TSNARE1: variants seen among roughly 807,000 people sequenced by gnomAD.
TSNARE1 encodes t-SNARE domain containing 1, also known as t-SNARE domain-containing protein 1.
In TSNARE1, 49 loss-of-function variants were observed where a neutral mutation model predicts 62.0. The observed-to-expected ratio is 0.79, with a 90% CI of 0.63 to 1.00. The LOEUF is 1.00. Ranked by LOEUF, TSNARE1 falls within the 50% of genes least tolerant of loss-of-function variation. The pLI is 0.00. For missense variants in TSNARE1, 755 were observed against 700.1 expected, an observed-to-expected ratio of 1.08 and a Z score of -0.88; for synonymous variants, 328 against 294.4, an observed-to-expected ratio of 1.11 and a Z score of -1.17.
intron 12 of TSNARE1, 149 bp from the exon 13 acceptor site, chr8:142,229,728 G>T: frequency 1.5e-6 from 1 of 666,920 alleles, no homozygotes; most frequent in Non-Finnish European, 2.7e-6. Flanking sequence ...GTCTTTCAAG[G>T]GGCTCTGTCC....
rs757276660 is a variant in TSNARE1 at position 142,330,930 on chromosome 8, C to T, written c.864G>A (p.Pro288=). Residue 288 remains proline (P), a synonymous_variant, in exon 6 of 14, where the codon CCG becomes CCA. Transcript: ENST00000524325. The part of the protein sequence containing the change: ...LERSLQSLGT[P]SDTQELRDSL... ...TGTCCCGAAGCTCCTGCGTGTCACTCGGTGTCCCTAAGGACTGAAGGCTCC... is the reference window on the plus strand; with the variant it reads ...TGTCCCGAAGCTCCTGCGTGTCACTTGGTGTCCCTAAGGACTGAAGGCTCC... The T allele has an allele frequency of 2.4e-5, 38 of 1,613,992 alleles. No individual in the cohort carries two copies. The East Asian group carries it at 3.8e-4, about 16-fold the overall frequency.
intron 1 of TSNARE1, among the ~76,000 whole-genome samples, chr8:142,368,597 C>T (rs1193443488): frequency 6.6e-6 from 1 of 152,098 alleles, no homozygotes; most frequent in Non-Finnish European, 1.5e-5. Flanking sequence ...CAGGGGCCAC[C>T]CAGGCAGACA....
At chr8:142,315,137 G>C in intron 7 of TSNARE1, 45 bp from the exon 8 acceptor site, 5 of 1,596,498 alleles carry the variant, frequency 3.1e-6, no homozygotes, top group Non-Finnish European at 4.3e-6. Flanking sequence ...GCTTGGCCCT[G>C]CCCCAGCAGC....
rs559885390 is a variant in TSNARE1, at chr8:142,310,131, T to C, written c.1131+4253A>G. 5.3e-5 allele frequency among the ~76,000 whole-genome samples: 8 copies of C among 152,260 alleles called. No homozygotes were observed. The East Asian group carries it at 1.3e-3, about 26-fold the overall frequency. On this transcript the variant is annotated intron_variant, in intron 9 of 13. Coordinates refer to ENST00000524325, the MANE Select transcript of TSNARE1 (RefSeq NM_145003.5). ...TCTATCTTGATTAATCTTGTAGGGGTTTAACAACCCTTTCAAAGAGCCAAT... is the reference window on the plus strand; with the variant it reads ...TCTATCTTGATTAATCTTGTAGGGGCTTAACAACCCTTTCAAAGAGCCAAT...
chr8:142,283,294 A>G (rs1822014092), intron 11 of TSNARE1, among the ~76,000 whole-genome samples: 1 of 151,152 alleles, frequency 6.6e-6, no homozygotes, highest in African/African-American at 2.4e-5. Flanking sequence ...GTGTCTGCCA[A>G]TGAGCAGAGG....
At chr8:142,259,443 C>T (rs1818747636) in intron 12 of TSNARE1, among the ~76,000 whole-genome samples, 1 of 152,198 alleles carries the variant, frequency 6.6e-6, no homozygotes. Flanking sequence ...CCCCATACCC[C>T]TACAGGCTGT....
At chr8:142,255,779 T>C (rs1007910113) in intron 12 of TSNARE1, among the ~76,000 whole-genome samples, 5 of 19,400 alleles carry the variant, frequency 2.6e-4, no homozygotes, top group Non-Finnish European at 4.9e-4. Flanking sequence ...ACCACCACCA[T>C]CACCACCATC....
At chr8:142,381,823 G>A (rs1279936595) in intron 1 of TSNARE1, among the ~76,000 whole-genome samples, 1 of 152,202 alleles carries the variant, frequency 6.6e-6, no homozygotes, top group Non-Finnish European at 1.5e-5. Flanking sequence ...TGGAGCAGAA[G>A]ACAAGCCCTG....
At chr8:142,273,335 T>G (rs949238480) in intron 12 of TSNARE1, 2 of 985,292 alleles carry the variant, frequency 2.0e-6, no homozygotes, top group Admixed American at 1.2e-4. Flanking sequence ...TTCTGCGTGG[T>G]GTGGCCCTGA....
intron 4 of TSNARE1, among the ~76,000 whole-genome samples, chr8:142,341,005 G>C (rs939575831): frequency 2.6e-5 from 4 of 152,226 alleles, no homozygotes; most frequent in African/African-American, 9.6e-5. Context: ...TCAAAGACGA[G>C]GTATGCAATT....
In TSNARE1 at chr8:142,268,203, T is replaced by C. The variant is rs114001204; in HGVS notation, c.1446+6578A>G. 5.9e-3 allele frequency among the ~76,000 whole-genome samples: 893 copies of C among 152,370 alleles called. 14 individuals are homozygous for C. Among genetic ancestry groups the C allele is most frequent in the African/African-American group, 0.02 (840 of 41,596 alleles). On this transcript the variant is annotated intron_variant, in intron 12 of 13. Transcript: ENST00000524325. ...TGGAGCTTCATGGACAGCCATCTGC[T>C]GTCCTGGCCATGCTCCTGCCTGGCC...
intron 12 of TSNARE1, chr8:142,273,334 G>T: frequency 1.0e-6 from 1 of 985,430 alleles, no homozygotes; most frequent in Non-Finnish European, 1.2e-6. Flanking sequence ...CTTCTGCGTG[G>T]TGTGGCCCTG....
At chr8:142,323,993 C>T (rs1295688778) in intron 6 of TSNARE1, among the ~76,000 whole-genome samples, 8 of 152,188 alleles carry the variant, frequency 5.3e-5, no homozygotes, top group African/African-American at 1.7e-4. Flanking sequence ...CCTCACCCGC[C>T]CTGGACTGCT....
At chr8:142,344,557 T>C in intron 3 of TSNARE1, 85 bp from the exon 4 acceptor site, 1 of 1,341,962 alleles carries the variant, frequency 7.5e-7, no homozygotes, top group Non-Finnish European at 9.7e-7. Flanking sequence ...CGGCGCCTCC[T>C]CTCTGGTTTC....
At chr8:142,250,579 G>A (rs912095334) in intron 12 of TSNARE1, among the ~76,000 whole-genome samples, 13 of 152,268 alleles carry the variant, frequency 8.5e-5, no homozygotes, top group East Asian at 7.7e-4. Flanking sequence ...GTTTTCCTTC[G>A]GAGCGTTCTC....
At chr8:142,281,671 A>G (rs1463618894) in intron 11 of TSNARE1, among the ~76,000 whole-genome samples, 1 of 151,952 alleles carries the variant, frequency 6.6e-6, no homozygotes, top group South Asian at 2.1e-4. Flanking sequence ...GGACCTCTCT[A>G]GGGAAGCCAA....
chr8:142,217,596 G>A (rs556816765), intron 13 of TSNARE1, among the ~76,000 whole-genome samples: 24 of 148,538 alleles, frequency 1.6e-4, no homozygotes, highest in East Asian at 3.9e-4. Flanking sequence ...CTTCAGCTAC[G>A]TCAGCATCAA....
At chr8:142,242,899 T>C (rs145188365) in intron 12 of TSNARE1, among the ~76,000 whole-genome samples, 2,002 of 135,336 alleles carry the variant, frequency 0.015, 46 homozygotes, top group African/African-American at 0.052. Flanking sequence ...GAGGTGGAGG[T>C]TGCAGTGAGC....
chr8:142,220,313 C>A (rs1226768228), intron 13 of TSNARE1, among the ~76,000 whole-genome samples: 1 of 152,168 alleles, frequency 6.6e-6, no homozygotes, highest in Non-Finnish European at 1.5e-5. Flanking sequence ...GGTGAGGAGG[C>A]CTCTGCTGCA....
Sources: gnomAD v4.1 joint callset for allele counts (sites outside exome capture counted in the v4.1 genomes callset) on GRCh38, gnomAD v4.1.1 for gene constraint, MANE v1.5 for transcripts, NCBI Gene and HGNC (gene_info 2026-07-23, HGNC 2026-07-21) for gene names.